HEATR6: variants seen among roughly 807,000 people sequenced by gnomAD.
HEATR6 encodes HEAT repeat-containing protein 6.
A neutral mutation model predicts 132.8 loss-of-function variants in HEATR6; 106 were observed. The observed-to-expected ratio is 0.80, with a 90% CI of 0.68 to 0.94. HEATR6 has a LOEUF of 0.94. Among genes scored for constraint, HEATR6 ranks in the 40% least tolerant of loss-of-function variants. The pLI is 0.00. For missense variants in HEATR6, 1,339 were observed against 1,425.1 expected (o/e 0.94, Z 0.97); for synonymous variants, 529 against 537.8 (o/e 0.98, Z 0.23).
rs1033412287 is a variant in HEATR6 at position 60,078,868 on chromosome 17, C to A, written c.47G>T (p.Arg16Leu). ...VVGSWPSVQP[R>L]EAPREAIPER... The stretch of plus-strand genomic sequence containing the variant: ...AGGGATTGCTTCCCGCGGTGCCTCC[C>A]GCGGCTGCACGGAAGGCCACGAACC... The change falls in exon 1 of 20, where the codon CGG (arginine) becomes CTG (leucine). Residue 16 changes from arginine to leucine, a missense_variant. Coordinates refer to ENST00000184956, the MANE Select transcript of HEATR6 (RefSeq NM_022070.5). The A allele has an allele frequency of 1.3e-6, 2 of 1,524,162 alleles. No individual in the cohort carries two copies. The highest frequency in any genetic ancestry group is 3.0e-5 in the African/African-American group (2 of 66,194). The allele number at this position is 1,524,162 out of a possible 1,614,324, so 94.4% of individuals were successfully genotyped here.
chr17:60,047,446 T>C, intron 17 of HEATR6, 41 bp from the exon 18 acceptor site: 1 of 1,146,326 alleles, frequency 8.7e-7, no homozygotes, highest in Non-Finnish European at 1.3e-6. Flanking sequence ...AAAAGGTAAA[T>C]ACACTTAAAT....
chr17:60,048,557 A>G (rs961993269), intron 16 of HEATR6, among the ~76,000 whole-genome samples, 169 bp from the exon 17 acceptor site: 2 of 152,112 alleles, frequency 1.3e-5, no homozygotes, highest in African/African-American at 2.4e-5. Flanking sequence ...CAATTTGGAC[A>G]CTCAAAAAAA....
chr17:60,066,182 T>C (rs755562473), intron 9 of HEATR6, 27 bp downstream of exon 9: 2 of 1,579,892 alleles, frequency 1.3e-6, no homozygotes, highest in South Asian at 1.1e-5. Flanking sequence ...CTTCCTATTA[T>C]AAAGCTTAGA....
chr17:60,055,621 C>A lies in HEATR6; in HGVS notation c.2203-20G>T. ...CAGAAGCTGCCAAGAAAAAGAATTA[C>A]CGAAGTGGAGCATCAGAACTAATGA... On this transcript the variant is annotated intron_variant, in intron 13 of 19. Transcript: ENST00000184956. 4.4e-6 allele frequency: 7 copies of A among 1,577,322 alleles called. No homozygotes were observed. The highest frequency in any genetic ancestry group is 6.1e-6 in the Non-Finnish European group (7 of 1,151,822).
Position 60,072,200 on chromosome 17 carries a change from T to C in HEATR6, c.699+15A>G, listed in dbSNP as rs772801876. ...ACATCCGCAACATTCACTACGTCAA[T>C]GATAGTCCACTTACCATGCAAAATG... On this transcript the variant is annotated intron_variant, in intron 5 of 19. Transcript: ENST00000184956. The C allele has an allele frequency of 2.9e-6, 4 of 1,373,396 alleles. No individual in the cohort carries two copies. The East Asian group carries it at 6.9e-5, about 24-fold the overall frequency. The allele number at this position is 1,373,396 out of a possible 1,614,324, so 85.1% of individuals were successfully genotyped here.
Position 60,066,822 on chromosome 17 carries a change from A to G in HEATR6, c.1239-436T>C, listed in dbSNP as rs544579231. ...TAGGCAGCGAGGGACAGTTAAGGAG[A>G]TAACTATCACATGTTACGAATAACA... On this transcript the variant is annotated intron_variant, in intron 8 of 19. Transcript: ENST00000184956. Among the ~76,000 whole-genome samples, 3 of 152,340 alleles carry G rather than the reference A, an allele frequency of 2.0e-5. No individual in the cohort carries two copies. The South Asian group carries it at 6.2e-4, about 32-fold the overall frequency.
At chr17:60,072,122 C>G (rs145068303) in intron 5 of HEATR6, 93 bp downstream of exon 5, 100 of 501,526 alleles carry the variant, frequency 2.0e-4, no homozygotes, top group African/African-American at 1.9e-3. Context: ...CTAGACGAAG[C>G]TAATGGTGCA....
chr17:60,076,073 G>A (rs769583910), intron 2 of HEATR6, 57 bp downstream of exon 2: 34 of 1,005,888 alleles, frequency 3.4e-5, no homozygotes, highest in African/African-American at 6.3e-5. Context: ...TATTTCAAAG[G>A]TATTTACTTA....
At chr17:60,056,642 G>A (rs551318970) in intron 12 of HEATR6, among the ~76,000 whole-genome samples, 1 of 152,272 alleles carries the variant, frequency 6.6e-6, no homozygotes, top group East Asian at 1.9e-4. Flanking sequence ...ATCTAGGATT[G>A]TTTTCTTCCT....
rs1277915667 is a variant in HEATR6 at position 60,042,751 on chromosome 17, G to A, written c.*812C>T. On this transcript the variant is annotated 3_prime_UTR_variant, in exon 20 of 20. Transcript: ENST00000184956. Reference sequence around the variant, plus strand: ...GCGTCCTGTGCGGCTGTGAGGCACCGTCAGCATCCTCGCGTCCTGTGTGGC... The same window carrying A: ...GCGTCCTGTGCGGCTGTGAGGCACCATCAGCATCCTCGCGTCCTGTGTGGC... Among the ~76,000 whole-genome samples the A allele has an allele frequency of 1.4e-5, 1 of 73,012 alleles. No homozygotes were observed. The highest frequency in any genetic ancestry group is 2.5e-5 in the Non-Finnish European group (1 of 40,216). The allele number at this position is 73,012 out of a possible 152,430, so 47.9% of individuals were successfully genotyped here.
At chr17:60,061,246 T>C (rs2083209537) in intron 9 of HEATR6, among the ~76,000 whole-genome samples, 1 of 152,220 alleles carries the variant, frequency 6.6e-6, no homozygotes, top group Admixed American at 6.5e-5. Flanking sequence ...CCTTCAATTA[T>C]ATTATCTCCA....
At chr17:60,062,624 C>T (rs754394504) in intron 9 of HEATR6, among the ~76,000 whole-genome samples, 15 of 152,292 alleles carry the variant, frequency 9.8e-5, no homozygotes, top group Admixed American at 2.6e-4. Context: ...CCATGCAGGG[C>T]ACATGACTGT....
chr17:60,047,525 CT>C, intron 17 of HEATR6, 120 bp from the exon 18 acceptor site: 1 of 454,074 alleles, frequency 2.2e-6, no homozygotes, highest in Non-Finnish European at 3.9e-6. Context: ...AACAAATCTG[CT>C]TAGATTATAT....
intron 9 of HEATR6, among the ~76,000 whole-genome samples, chr17:60,065,639 T>C (rs2083236572): frequency 6.6e-6 from 1 of 152,280 alleles, no homozygotes; most frequent in Non-Finnish European, 1.5e-5. Flanking sequence ...CAATCATTTT[T>C]TTCTTCTTTT....
intron 15 of HEATR6, 25 bp downstream of exon 15, chr17:60,050,812 ATTTAAG>A: frequency 6.2e-7 from 1 of 1,613,472 alleles, no homozygotes; most frequent in Non-Finnish European, 8.5e-7. Context: ...TCCAGCCATG[ATTTAAG>A]GGTGAGAAAA....
chr17:60,056,307 C>T (rs546565506), intron 12 of HEATR6, 70 bp from the exon 13 acceptor site: 1 of 1,447,258 alleles, frequency 6.9e-7, no homozygotes. Context: ...AAAAGTGTTA[C>T]AATATTTCAG....
At position 60,078,810 on chromosome 17, in the gene HEATR6, G is replaced by A; in HGVS notation, c.105C>T (p.Ala35=). The A allele has an allele frequency of 6.2e-7, 1 of 1,601,590 alleles. No homozygotes were observed. The highest frequency in any genetic ancestry group is 1.1e-5 in the South Asian group (1 of 88,304). ...CATCCGGGCGCAGGGCGCAGAGCCT[G>A]GCAGACAAGAGGCGAAACCCATTGC... ...ERGNGFRLLS[A]RLCALRPDDS... Residue 35 remains alanine, a synonymous_variant, in exon 1 of 20, where the codon GCC becomes GCT. Transcript: ENST00000184956.
chr17:60,072,152 A>G (rs149094289), intron 5 of HEATR6, 63 bp downstream of exon 5: 25 of 732,078 alleles, frequency 3.4e-5, no homozygotes, highest in Non-Finnish European at 5.2e-5. Flanking sequence ...CGTTAGTAAC[A>G]CTTTTCCAAT....
intron 11 of HEATR6, 121 bp from the exon 12 acceptor site, chr17:60,057,524 C>T: frequency 3.1e-6 from 2 of 635,792 alleles, no homozygotes; most frequent in East Asian, 2.8e-5. Context: ...AATCAAACTT[C>T]TAGACCTCAT....
Sources: gnomAD v4.1 joint callset for allele counts (sites outside exome capture counted in the v4.1 genomes callset) on GRCh38, gnomAD v4.1.1 for gene constraint, MANE v1.5 for transcripts, NCBI Gene and HGNC (gene_info 2026-07-23, HGNC 2026-07-21) for gene names.